Variants in PARD3B observed in about 807,000 individuals in gnomAD.
The protein encoded by PARD3B is partitioning defective 3 homolog B.
Under a neutral mutation model 130.2 loss-of-function variants are expected in PARD3B, and 103 were observed. The observed-to-expected ratio is 0.79, with a 90% CI of 0.67 to 0.93. The LOEUF (loss-of-function observed/expected upper bound fraction) is 0.93. PARD3B is among the 40% of genes least tolerant of loss of function. PARD3B has a pLI of 0.00. For missense variants in PARD3B, 1,609 were observed against 1,499.2 expected, an observed-to-expected ratio of 1.07 and a Z score of -1.21; for synonymous variants, 583 against 553.2, an observed-to-expected ratio of 1.05 and a Z score of -0.76.
At chr2:204,935,570 ATATATT>A (rs935614347) in intron 2 of PARD3B, among the ~76,000 whole-genome samples, 13 of 151,192 alleles carry the variant, frequency 8.6e-5, no homozygotes, top group Non-Finnish European at 1.8e-4. Context: ...TAAAATATAT[ATATATT>A]TATATAGTAC....
intron 15 of PARD3B, among the ~76,000 whole-genome samples, chr2:205,221,716 C>A (rs2038246801): frequency 9.0e-6 from 1 of 110,508 alleles, no homozygotes; most frequent in Non-Finnish European, 2.0e-5. Context: ...ATGATATCAC[C>A]TAGCACTGTC....
At chr2:205,243,829 G>A (rs181141920) in intron 15 of PARD3B, among the ~76,000 whole-genome samples, 20 of 152,242 alleles carry the variant, frequency 1.3e-4, no homozygotes, top group African/African-American at 3.1e-4. Context: ...TTTCCAGGTC[G>A]TTGTGAGAAT....
At chr2:204,773,152 G>A (rs1003443946) in intron 2 of PARD3B, among the ~76,000 whole-genome samples, 1 of 151,614 alleles carries the variant, frequency 6.6e-6, no homozygotes. Context: ...TTTAAAAAGG[G>A]CTTATTGAGT....
rs1169604061 is a variant in PARD3B, at chr2:205,568,066, A to G, written c.3260+14663A>G. ...ACTTCTTCCTGTCCAGTGCACTGGT[A>G]ACAGAAGCCTCAAGCCAGGCAGCAC... On this transcript the variant is annotated intron_variant, in intron 22 of 22. Coordinates refer to ENST00000406610, the MANE Select transcript of PARD3B (RefSeq NM_001302769.2). This position sits in a 1 kb window ranked among gnomAD's most constrained non-coding sequence, Gnocchi z 5.3. Among the ~76,000 whole-genome samples, 7 of 152,184 alleles carry G rather than the reference A, an allele frequency of 4.6e-5. No homozygotes were observed. The highest frequency in any genetic ancestry group is 5.9e-5 in the Non-Finnish European group (4 of 68,022).
intron 1 of PARD3B, among the ~76,000 whole-genome samples, chr2:204,644,362 T>G (rs2035199029): frequency 6.6e-6 from 1 of 152,142 alleles, no homozygotes; most frequent in Non-Finnish European, 1.5e-5. Flanking sequence ...TGTGTGGGTG[T>G]CTATCTTTGT....
At position 204,906,245 on chromosome 2, in the gene PARD3B, G is replaced by C. The variant is rs573657195; in HGVS notation, c.223-58907G>C. Among the ~76,000 whole-genome samples, 3 of 152,262 alleles carry C rather than the reference G, an allele frequency of 2.0e-5. No homozygotes were observed. Among genetic ancestry groups the C allele is most frequent in the South Asian group, 4.1e-4 (2 of 4,826 alleles). ...AAGTAAAATGAACCCAGCTCTCTCTGTATGAGATTCTGGAGTAGGTGTCTC... is the reference window on the plus strand; with the variant it reads ...AAGTAAAATGAACCCAGCTCTCTCTCTATGAGATTCTGGAGTAGGTGTCTC... On this transcript the variant is annotated intron_variant, in intron 2 of 22. Transcript: ENST00000406610. The surrounding 1 kb of genome is among the most constrained non-coding windows in gnomAD (Gnocchi z 4.3).
chr2:205,336,055 T>C (rs569065510), intron 18 of PARD3B, among the ~76,000 whole-genome samples: 2 of 152,304 alleles, frequency 1.3e-5, no homozygotes, highest in Non-Finnish European at 2.9e-5. Flanking sequence ...GGTTTCACCA[T>C]GTTGGCCAGG....
intron 1 of PARD3B, among the ~76,000 whole-genome samples, chr2:204,621,993 T>C (rs2034318802): frequency 6.6e-6 from 1 of 152,110 alleles, no homozygotes; most frequent in Non-Finnish European, 1.5e-5. Context: ...CTGACATAGG[T>C]CTAGTATTTC....
At chr2:204,616,486 G>A (rs529524579) in intron 1 of PARD3B, among the ~76,000 whole-genome samples, 1 of 152,212 alleles carries the variant, frequency 6.6e-6, no homozygotes, top group Admixed American at 6.5e-5. Flanking sequence ...TATTGAGAAC[G>A]TGGAGCAACA....
At chr2:205,250,564 A>G (rs555319464) in intron 16 of PARD3B, among the ~76,000 whole-genome samples, 1 of 152,160 alleles carries the variant, frequency 6.6e-6, no homozygotes. Context: ...AGCTATTTCT[A>G]TGTGAGGCCA....
chr2:204,673,353 G>C lies in PARD3B; in HGVS notation c.121-12828G>C, dbSNP rs2036395314. Among the ~76,000 whole-genome samples, 1 of 152,120 alleles carries C rather than the reference G, an allele frequency of 6.6e-6. No homozygotes were observed. The highest frequency in any genetic ancestry group is 1.5e-5 in the Non-Finnish European group (1 of 68,018). On this transcript the variant is annotated intron_variant, in intron 1 of 22. Transcript: ENST00000406610. The surrounding 1 kb of genome is among the most constrained non-coding windows in gnomAD (Gnocchi z 4.7). ...TAGTAGAATTTTATTTCATTTTGTAGAGTGGAATAAAAAATTTACTCAGTG... is the reference window on the plus strand; with the variant it reads ...TAGTAGAATTTTATTTCATTTTGTACAGTGGAATAAAAAATTTACTCAGTG...
chr2:205,186,933 T>TA (rs1470361167), intron 14 of PARD3B, among the ~76,000 whole-genome samples: 4 of 152,244 alleles, frequency 2.6e-5, no homozygotes, highest in Middle Eastern at 3.2e-3. Context: ...TCATTTGTTC[T>TA]ACCTTACTGT....
intron 15 of PARD3B, among the ~76,000 whole-genome samples, chr2:205,223,188 G>C (rs1921796): frequency 0.8 from 122,473 of 152,174 alleles, 49,589 homozygotes; most frequent in East Asian, 0.98. Flanking sequence ...TATGTGACTT[G>C]AAGATGAATA....
At chr2:205,296,489 T>C (rs2041796234) in intron 16 of PARD3B, among the ~76,000 whole-genome samples, 1 of 152,138 alleles carries the variant, frequency 6.6e-6, no homozygotes, top group African/African-American at 2.4e-5. Flanking sequence ...CTATAATACC[T>C]GGAAGGCTGG....
intron 16 of PARD3B, among the ~76,000 whole-genome samples, chr2:205,261,152 T>C (rs537474930): frequency 6.6e-6 from 1 of 152,136 alleles, no homozygotes; most frequent in Non-Finnish European, 1.5e-5. Context: ...CAAGATCTAT[T>C]TGTGGCATGT....
intron 18 of PARD3B, among the ~76,000 whole-genome samples, chr2:205,370,592 A>G (rs1220925272): frequency 1.3e-5 from 2 of 152,148 alleles, no homozygotes; most frequent in Non-Finnish European, 1.5e-5. Flanking sequence ...GGATCTACCA[A>G]TTGCCAGGAG....
intron 16 of PARD3B, among the ~76,000 whole-genome samples, chr2:205,255,174 C>T (rs2040026277): frequency 1.3e-5 from 2 of 150,406 alleles, no homozygotes; most frequent in South Asian, 4.2e-4. Flanking sequence ...AAACCTTCCC[C>T]TGCTTTCTCA....
chr2:204,832,900 GA>G (rs1366205539), intron 2 of PARD3B, among the ~76,000 whole-genome samples: 2 of 152,142 alleles, frequency 1.3e-5, no homozygotes, highest in Non-Finnish European at 2.9e-5. Flanking sequence ...ACTATAAAGA[GA>G]AAATGAACGC....
chr2:205,338,456 T>G (rs1256816494), intron 18 of PARD3B, among the ~76,000 whole-genome samples: 4 of 152,236 alleles, frequency 2.6e-5, no homozygotes, highest in Non-Finnish European at 4.4e-5. Flanking sequence ...TTAATTTATA[T>G]TCTATCTAGT....
Sources: gnomAD v4.1 joint callset for allele counts (sites outside exome capture counted in the v4.1 genomes callset) on GRCh38, gnomAD v4.1.1 for gene constraint, Gnocchi (gnomAD v3.1) non-coding constraint, MANE v1.5 for transcripts, NCBI Gene and HGNC (gene_info 2026-07-23, HGNC 2026-07-21) for gene names.